Variants in CERS6 observed in about 807,000 individuals in gnomAD.
CERS6 encodes the protein ceramide synthase 6, also known as LAG1 homolog, ceramide synthase 6.
Under a neutral mutation model 56.8 loss-of-function variants are expected in CERS6, and 26 were observed. That is an observed-to-expected ratio of 0.46 (90% CI 0.34 to 0.63). The LOEUF is 0.63. CERS6 is among the 30% of genes least tolerant of loss of function. The pLI is 0.01. For missense variants in CERS6, 415 were observed against 467.5 expected, an observed-to-expected ratio of 0.89 and a Z score of 1.04; for synonymous variants, 164 against 173.3, an observed-to-expected ratio of 0.95 and a Z score of 0.42.
chr2:168,522,702 C>G (rs1031491368), intron 1 of CERS6, among the ~76,000 whole-genome samples: 15 of 152,034 alleles, frequency 9.9e-5, no homozygotes, highest in South Asian at 2.1e-4. Context: ...CTGCAACTGG[C>G]TAATTTTTAA....
chr2:168,673,798 A>C (rs1396183676), intron 4 of CERS6, among the ~76,000 whole-genome samples: 1 of 152,188 alleles, frequency 6.6e-6, no homozygotes, highest in Non-Finnish European at 1.5e-5. Flanking sequence ...TCACTGCTTA[A>C]ATAATTTAAT....
At chr2:168,586,837 T>C (rs1683553222) in intron 3 of CERS6, among the ~76,000 whole-genome samples, 1 of 152,220 alleles carries the variant, frequency 6.6e-6, no homozygotes, top group African/African-American at 2.4e-5. Context: ...GTGTTAAATT[T>C]CTTGGCACAT....
At chr2:168,724,303 T>A (rs1683277156) in intron 8 of CERS6, among the ~76,000 whole-genome samples, 1 of 151,858 alleles carries the variant, frequency 6.6e-6, no homozygotes, top group African/African-American at 2.4e-5. Context: ...ACCTTTACGG[T>A]GAGTGTTACA....
At chr2:168,593,467 G>A (rs1451001909) in intron 3 of CERS6, among the ~76,000 whole-genome samples, 4 of 152,160 alleles carry the variant, frequency 2.6e-5, no homozygotes, top group African/African-American at 9.7e-5. Context: ...GATAAAAGAG[G>A]CATCATGTAC....
In CERS6 at chr2:168,585,739, A is replaced by T. The variant is rs118162469; in HGVS notation, c.407+24417A>T. 2.4e-4 allele frequency among the ~76,000 whole-genome samples: 37 copies of T among 152,356 alleles called. No individual in the cohort carries two copies. In the East Asian group the frequency reaches 2.5e-3, roughly 10 times the overall value. On this transcript the variant is annotated intron_variant, in intron 3 of 9. Transcript: ENST00000305747. ...GAAGAATGTGGATCATGGATATGCC[A>T]GAAGGAAGAACCAGAAGCTCATAAA... is the stretch of plus-strand genomic sequence containing the variant.
intron 1 of CERS6, among the ~76,000 whole-genome samples, chr2:168,544,768 C>T (rs11695350): frequency 0.2 from 29,116 of 148,790 alleles, 3,399 homozygotes; most frequent in Non-Finnish European, 0.27. Flanking sequence ...AAATACCAGA[C>T]GGGGGACACT....
intron 3 of CERS6, among the ~76,000 whole-genome samples, chr2:168,605,069 T>G (rs1457278771): frequency 6.6e-6 from 1 of 152,164 alleles, no homozygotes; most frequent in African/African-American, 2.4e-5. Flanking sequence ...ATGAGGAAAG[T>G]TTGGAACTTC....
At chr2:168,728,435 G>A (rs1455575898) in intron 8 of CERS6, among the ~76,000 whole-genome samples, 2 of 132,664 alleles carry the variant, frequency 1.5e-5, no homozygotes, top group African/African-American at 2.9e-5. Flanking sequence ...TGTCACCCAA[G>A]CTGGAGTGCA....
At chr2:168,662,174 C>A (rs901693712) in intron 4 of CERS6, among the ~76,000 whole-genome samples, 4 of 146,156 alleles carry the variant, frequency 2.7e-5, no homozygotes, top group African/African-American at 7.6e-5. Context: ...TTCCTATAAA[C>A]CTGGCATTTG....
intron 1 of CERS6, among the ~76,000 whole-genome samples, chr2:168,476,858 A>G (rs1020815206): frequency 6.6e-6 from 1 of 152,112 alleles, no homozygotes; most frequent in Non-Finnish European, 1.5e-5. Context: ...GCTCAGAGTC[A>G]CATACTAATC....
At chr2:168,629,456 T>A (rs549848853) in intron 3 of CERS6, among the ~76,000 whole-genome samples, 4 of 152,248 alleles carry the variant, frequency 2.6e-5, no homozygotes, top group Admixed American at 2.6e-4. Flanking sequence ...GAGGCATCAT[T>A]ATAGCACAAA....
At chr2:168,479,517 A>G (rs991812069) in intron 1 of CERS6, among the ~76,000 whole-genome samples, 2 of 152,214 alleles carry the variant, frequency 1.3e-5, no homozygotes, top group African/African-American at 2.4e-5. Context: ...AATGCAATAG[A>G]AAGTTTAATG....
intron 1 of CERS6, among the ~76,000 whole-genome samples, chr2:168,524,885 A>G (rs996407774): frequency 2.0e-5 from 3 of 151,782 alleles, no homozygotes; most frequent in Non-Finnish European, 4.4e-5. Context: ...CTTGTGTATT[A>G]TATATCTAAA....
chr2:168,532,185 C>G (rs1323056990), intron 1 of CERS6, among the ~76,000 whole-genome samples: 1 of 152,156 alleles, frequency 6.6e-6, no homozygotes, highest in Non-Finnish European at 1.5e-5. Context: ...GCACACTACT[C>G]TGCATGCCAT....
chr2:168,598,334 G>A (rs1250969363), intron 3 of CERS6, among the ~76,000 whole-genome samples: 2 of 152,064 alleles, frequency 1.3e-5, no homozygotes, highest in African/African-American at 2.4e-5. Flanking sequence ...CCTCGTTTTT[G>A]GGGGGAAGAG....
chr2:168,614,168 T>A (rs1233453395), intron 3 of CERS6, among the ~76,000 whole-genome samples: 1 of 152,210 alleles, frequency 6.6e-6, no homozygotes, highest in African/African-American at 2.4e-5. Flanking sequence ...TGGTCAGAAG[T>A]CTGTGCAACT....
At chr2:168,537,832 C>T (rs185709325) in intron 1 of CERS6, among the ~76,000 whole-genome samples, 1 of 152,182 alleles carries the variant, frequency 6.6e-6, no homozygotes, top group Non-Finnish European at 1.5e-5. Flanking sequence ...TACTGGACAT[C>T]TCCATTTATA....
chr2:168,764,855 ATC>A (rs1441952082), intron 8 of CERS6, among the ~76,000 whole-genome samples: 1 of 152,214 alleles, frequency 6.6e-6, no homozygotes, highest in Non-Finnish European at 1.5e-5. Context: ...GAAACATATG[ATC>A]CAACAATTCC....
intron 8 of CERS6, among the ~76,000 whole-genome samples, chr2:168,725,123 C>A (rs1683309047): frequency 6.6e-6 from 1 of 152,252 alleles, no homozygotes; most frequent in Non-Finnish European, 1.5e-5. Context: ...AGTACACCCT[C>A]CGCAGCCGCT....
Sources: gnomAD v4.1 joint callset for allele counts (sites outside exome capture counted in the v4.1 genomes callset) on GRCh38, gnomAD v4.1.1 for gene constraint, MANE v1.5 for transcripts, NCBI Gene and HGNC (gene_info 2026-07-23, HGNC 2026-07-21) for gene names.